The following GFRA1 variants were observed in gnomAD, a reference collection of about 807,000 sequenced individuals.
GFRA1 encodes GDNF family receptor alpha 1.
In GFRA1, 16 loss-of-function variants were observed where a neutral mutation model predicts 51.6. That is an observed-to-expected ratio of 0.31 (90% CI 0.21 to 0.47). GFRA1 has a LOEUF of 0.47. Among genes scored for constraint, GFRA1 ranks in the 20% least tolerant of loss-of-function variants. The pLI, the probability that GFRA1 is intolerant of heterozygous loss-of-function variation, is 1.00. For missense variants in GFRA1, 530 were observed against 594.3 expected (o/e 0.89, Z 1.13); for synonymous variants, 270 against 241.3 (o/e 1.12, Z -1.10).
At chr10:116,201,373 A>G (rs2134389251) in intron 5 of GFRA1, among the ~76,000 whole-genome samples, 1 of 152,248 alleles carries the variant, frequency 6.6e-6, no homozygotes, top group Non-Finnish European at 1.5e-5. Context: ...TTTTGCAGTA[A>G]GCACATTGCA....
intron 5 of GFRA1, among the ~76,000 whole-genome samples, chr10:116,143,195 C>A (rs1385571393): frequency 6.6e-6 from 1 of 152,056 alleles, no homozygotes; most frequent in Non-Finnish European, 1.5e-5. Flanking sequence ...TATATTCATT[C>A]AAATTGAATT....
chr10:116,246,524 T>C (rs905294516), intron 4 of GFRA1, among the ~76,000 whole-genome samples: 1 of 152,040 alleles, frequency 6.6e-6, no homozygotes, highest in Non-Finnish European at 1.5e-5. Context: ...AAAACTGTTC[T>C]ATACAACATA....
chr10:116,178,346 G>A (rs1427719249), intron 5 of GFRA1, among the ~76,000 whole-genome samples: 1 of 151,698 alleles, frequency 6.6e-6, no homozygotes, highest in Non-Finnish European at 1.5e-5. Context: ...CGTCCTGTCT[G>A]TACTGTCTTG....
intron 5 of GFRA1, 85 bp from the exon 6 acceptor site, chr10:116,125,642 T>A: frequency 9.6e-7 from 1 of 1,044,814 alleles, no homozygotes; most frequent in Non-Finnish European, 1.4e-6. Flanking sequence ...ATCCTGCCAT[T>A]TATCTGGCAT....
chr10:116,143,317 T>A (rs1446722347), intron 5 of GFRA1, among the ~76,000 whole-genome samples: 1 of 137,044 alleles, frequency 7.3e-6, no homozygotes, highest in Non-Finnish European at 1.6e-5. Context: ...GAACTGTCAG[T>A]TCAATTTTTT....
intron 9 of GFRA1, among the ~76,000 whole-genome samples, chr10:116,075,416 T>C (rs1219676377): frequency 6.6e-6 from 1 of 152,190 alleles, no homozygotes; most frequent in East Asian, 1.9e-4. Flanking sequence ...AAAATAATGG[T>C]ATAAATGTTA....
intron 4 of GFRA1, among the ~76,000 whole-genome samples, chr10:116,215,310 T>C (rs1965483266): frequency 6.6e-6 from 1 of 152,208 alleles, no homozygotes; most frequent in Admixed American, 6.5e-5. Context: ...TCCCAAACTG[T>C]GGATGTCAAA....
chr10:116,243,621 T>G (rs1465471618), intron 4 of GFRA1, among the ~76,000 whole-genome samples: 21 of 151,910 alleles, frequency 1.4e-4, no homozygotes, highest in Admixed American at 7.2e-4. Context: ...GCAATAATTT[T>G]CAACCTGGGC....
At chr10:116,080,140 TACA>T (rs1955787537) in intron 9 of GFRA1, among the ~76,000 whole-genome samples, 1 of 152,128 alleles carries the variant, frequency 6.6e-6, no homozygotes, top group Non-Finnish European at 1.5e-5. Flanking sequence ...CCTTGAAACT[TACA>T]ACTAATAAAA....
intron 5 of GFRA1, 46 bp from the exon 6 acceptor site, chr10:116,125,603 G>A (rs1403917562): frequency 7.0e-7 from 1 of 1,437,240 alleles, no homozygotes; most frequent in Non-Finnish European, 9.7e-7. Context: ...GCTCGGCTCT[G>A]TGTTCTCACC....
intron 2 of GFRA1, among the ~76,000 whole-genome samples, chr10:116,271,488 A>C (rs1843932915): frequency 6.6e-6 from 1 of 151,932 alleles, no homozygotes; most frequent in Admixed American, 6.5e-5. Flanking sequence ...GCCCGGCTGA[A>C]ACTCAGGCGC....
intron 4 of GFRA1, among the ~76,000 whole-genome samples, chr10:116,223,659 CA>C (rs1205934819): frequency 6.6e-6 from 1 of 152,170 alleles, no homozygotes; most frequent in East Asian, 1.9e-4. Flanking sequence ...GGACCACCAG[CA>C]AAAATGTTTC....
intron 10 of GFRA1, 150 bp downstream of exon 10, chr10:116,065,423 C>T (rs1780255072): frequency 1.5e-6 from 1 of 685,492 alleles, no homozygotes; most frequent in African/African-American, 1.8e-5. Context: ...TCACCTTGCT[C>T]AAAGGGCAGA....
At chr10:116,142,395 G>A (rs17094225) in intron 5 of GFRA1, among the ~76,000 whole-genome samples, 22,574 of 152,176 alleles carry the variant, frequency 0.15, 2,040 homozygotes, top group East Asian at 0.2. Context: ...GTCCTGAGTT[G>A]AAGCCCTTTT....
At chr10:116,181,297 T>C (rs1461297728) in intron 5 of GFRA1, among the ~76,000 whole-genome samples, 2 of 152,116 alleles carry the variant, frequency 1.3e-5, no homozygotes, top group African/African-American at 4.8e-5. Flanking sequence ...GGCAAGGAGA[T>C]GCCAAAGGCC....
At chr10:116,150,551 T>C (rs1029483340) in intron 5 of GFRA1, among the ~76,000 whole-genome samples, 2 of 152,234 alleles carry the variant, frequency 1.3e-5, no homozygotes, top group East Asian at 1.9e-4. Context: ...CCCAAGAATA[T>C]TCACCAGTGG....
chr10:116,125,347 G>A lies in GFRA1; in HGVS notation c.644C>T (p.Ser215Phe), dbSNP rs868677007. 4 of 1,614,240 alleles carry A rather than the reference G, an allele frequency of 2.5e-6. No individual in the cohort carries two copies. The highest frequency in any genetic ancestry group is 3.4e-6 in the Non-Finnish European group (4 of 1,180,044). The change falls in exon 6 of 11, where the codon TCC (serine) becomes TTC (phenylalanine). Residue 215 changes from serine to phenylalanine, a missense_variant. By Grantham distance (155) the Ser-to-Phe change is radical. Transcript: ENST00000355422. Reference sequence around the variant, plus strand: ...CTCTGTGCAGGCGATGTCCCGGCAGGAGCAGAAGAGCATTCCGTAGCTGTG... The same window carrying A: ...CTCTGTGCAGGCGATGTCCCGGCAGAAGCAGAAGAGCATTCCGTAGCTGTG... ...AKHSYGMLFCSCRDIACTERR... is the reference protein window; with the variant it reads ...AKHSYGMLFCFCRDIACTERR...
chr10:116,072,334 G>C (rs1955438496), intron 9 of GFRA1, among the ~76,000 whole-genome samples: 1 of 152,182 alleles, frequency 6.6e-6, no homozygotes, highest in East Asian at 1.9e-4. Context: ...TTGTGCAGTA[G>C]CCAGTATGTT....
intron 5 of GFRA1, among the ~76,000 whole-genome samples, chr10:116,164,580 T>C (rs2134192372): frequency 6.6e-6 from 1 of 152,332 alleles, no homozygotes; most frequent in East Asian, 1.9e-4. Context: ...GGAGAGAACG[T>C]GGGCATTTAT....
Sources: allele counts gnomAD v4.1 joint callset (sites outside exome capture counted in the v4.1 genomes callset), GRCh38; gene constraint gnomAD v4.1.1; transcripts MANE v1.5; gene names NCBI Gene and HGNC (gene_info 2026-07-23, HGNC 2026-07-21).